Variants in FGGY observed in about 807,000 individuals in gnomAD.
FGGY encodes FGGY carbohydrate kinase domain containing.
Under a neutral mutation model 71.3 loss-of-function variants are expected in FGGY, and 72 were observed. The observed-to-expected ratio is 1.01, with a 90% CI of 0.84 to 1.23. The LOEUF is 1.23. Among genes scored for constraint, FGGY ranks in the 50% most tolerant of loss-of-function variants. The pLI is 0.00. For synonymous variants in FGGY, 251 were observed against 250.3 expected (o/e 1.00, Z -0.02); for missense variants, 668 against 682.3 (o/e 0.98, Z 0.23).
In FGGY at chr1:59,512,304, T is replaced by C. The variant is rs2094537251; in HGVS notation, c.671-7T>C. On this transcript the variant is annotated splice_polypyrimidine_tract_variant and splice_region_variant and intron_variant, in intron 6 of 15. Coordinates refer to ENST00000303721, the MANE Select transcript of FGGY (RefSeq NM_018291.5). ...GATGGTGTTTGTTTTTTCTCATGTCTACCCAGGAAACCAAGTGCTACCTCC... is the reference window on the plus strand; with the variant it reads ...GATGGTGTTTGTTTTTTCTCATGTCCACCCAGGAAACCAAGTGCTACCTCC... 1 of 1,601,742 alleles carries C rather than the reference T, an allele frequency of 6.2e-7. No homozygotes were observed. Among genetic ancestry groups the C allele is most frequent in the Non-Finnish European group, 8.5e-7 (1 of 1,173,726 alleles).
At chr1:59,746,771 G>A (rs1004467544) in intron 14 of FGGY, among the ~76,000 whole-genome samples, 1 of 152,166 alleles carries the variant, frequency 6.6e-6, no homozygotes, top group African/African-American at 2.4e-5. Context: ...GGGATTACAG[G>A]TGTGAATCAC....
chr1:59,758,210 C>T (rs2098311204), intron 15 of FGGY, among the ~76,000 whole-genome samples: 1 of 152,212 alleles, frequency 6.6e-6, no homozygotes, highest in African/African-American at 2.4e-5. Flanking sequence ...AGCTTCTGAA[C>T]TCTCAGACCA....
chr1:59,343,522 C>T (rs775015903), intron 3 of FGGY, among the ~76,000 whole-genome samples: 1 of 152,284 alleles, frequency 6.6e-6, no homozygotes, highest in Non-Finnish European at 1.5e-5. Context: ...CTCCACATTC[C>T]CATGTCTGGT....
intron 7 of FGGY, among the ~76,000 whole-genome samples, chr1:59,536,082 C>T (rs917992824): frequency 4.0e-5 from 6 of 151,366 alleles, no homozygotes; most frequent in Admixed American, 2.0e-4. Flanking sequence ...TGATAGACCT[C>T]TAGCAAGAGT....
intron 8 of FGGY, among the ~76,000 whole-genome samples, chr1:59,565,963 G>A (rs1307010776): frequency 6.6e-6 from 1 of 152,166 alleles, no homozygotes; most frequent in Non-Finnish European, 1.5e-5. Context: ...CTGCTGCGCT[G>A]TGGTCAAGTA....
intron 14 of FGGY, 21 bp from the exon 15 acceptor site, chr1:59,757,910 A>G (rs753654775): frequency 5.0e-6 from 8 of 1,601,100 alleles, no homozygotes; most frequent in Admixed American, 3.3e-5. Context: ...TCAGCTGTCT[A>G]TGTTGTTTTC....
chr1:59,368,560 A>G (rs2056967787), intron 4 of FGGY, among the ~76,000 whole-genome samples: 1 of 152,204 alleles, frequency 6.6e-6, no homozygotes, highest in African/African-American at 2.4e-5. Flanking sequence ...CACTGTTGTA[A>G]ACTGTGGAGG....
chr1:59,367,773 C>T (rs1238881921), intron 4 of FGGY, among the ~76,000 whole-genome samples: 2 of 152,194 alleles, frequency 1.3e-5, no homozygotes, highest in African/African-American at 2.4e-5. Context: ...CTGAGGCTGG[C>T]AGGGCGGCTG....
At chr1:59,478,585 T>C (rs963351983) in intron 6 of FGGY, among the ~76,000 whole-genome samples, 1 of 152,210 alleles carries the variant, frequency 6.6e-6, no homozygotes, top group African/African-American at 2.4e-5. Flanking sequence ...AGATACAATA[T>C]GTTTCAGAGG....
At chr1:59,576,878 C>G (rs1329616859) in intron 8 of FGGY, among the ~76,000 whole-genome samples, 1 of 152,104 alleles carries the variant, frequency 6.6e-6, no homozygotes, top group Non-Finnish European at 1.5e-5. Context: ...TATTCATTCA[C>G]CATTGTATCC....
intron 4 of FGGY, among the ~76,000 whole-genome samples, chr1:59,361,047 G>C (rs190496125): frequency 4.6e-5 from 7 of 152,114 alleles, no homozygotes; most frequent in African/African-American, 1.7e-4. Flanking sequence ...TGCTTCCAGG[G>C]CAATTCCACT....
At chr1:59,500,475 C>T (rs2094188645) in intron 6 of FGGY, among the ~76,000 whole-genome samples, 1 of 151,942 alleles carries the variant, frequency 6.6e-6, no homozygotes, top group Non-Finnish European at 1.5e-5. Context: ...TAAATGATCT[C>T]AAATCTTCAC....
intron 8 of FGGY, among the ~76,000 whole-genome samples, chr1:59,564,938 C>G (rs372604539): frequency 6.6e-6 from 1 of 152,184 alleles, no homozygotes; most frequent in South Asian, 2.1e-4. Context: ...TGCAAGTTGC[C>G]TGGAAGAATG....
chr1:59,619,889 G>C (rs1268967268), intron 9 of FGGY, among the ~76,000 whole-genome samples: 2 of 152,044 alleles, frequency 1.3e-5, no homozygotes. Flanking sequence ...TGAGTGAGGA[G>C]GATGATGGCA....
intron 14 of FGGY, among the ~76,000 whole-genome samples, chr1:59,743,269 C>T (rs1454691941): frequency 2.0e-5 from 3 of 152,192 alleles, no homozygotes; most frequent in Non-Finnish European, 2.9e-5. Context: ...CCTTGTCAAC[C>T]TTCAGCTAGT....
intron 8 of FGGY, among the ~76,000 whole-genome samples, chr1:59,596,678 C>T (rs186760407): frequency 8.7e-4 from 133 of 152,284 alleles, no homozygotes; most frequent in Non-Finnish European, 4.6e-4. Context: ...ACAGATAGGT[C>T]ACCCTGCTGA....
chr1:59,431,178 A>G (rs1219520865), intron 5 of FGGY, among the ~76,000 whole-genome samples: 1 of 152,102 alleles, frequency 6.6e-6, no homozygotes, highest in African/African-American at 2.4e-5. Flanking sequence ...CCACCAAAAC[A>G]GTACTTCATA....
chr1:59,451,638 C>G (rs1349088055), intron 5 of FGGY, among the ~76,000 whole-genome samples: 1 of 152,092 alleles, frequency 6.6e-6, no homozygotes, highest in African/African-American at 2.4e-5. Flanking sequence ...ATTGAGAAAG[C>G]TGCTCTGAAT....
chr1:59,635,597 G>C (rs578150656), intron 10 of FGGY, among the ~76,000 whole-genome samples: 2 of 151,684 alleles, frequency 1.3e-5, no homozygotes, highest in African/African-American at 4.8e-5. Context: ...TGGCTATTCT[G>C]AAGTGGAAAG....
Sources: allele counts gnomAD v4.1 joint callset (sites outside exome capture counted in the v4.1 genomes callset), GRCh38; gene constraint gnomAD v4.1.1; transcripts MANE v1.5; gene names NCBI Gene and HGNC (gene_info 2026-07-23, HGNC 2026-07-21).